DTL: variants seen among roughly 807,000 people sequenced by gnomAD.
DTL encodes the protein denticleless E3 ubiquitin protein ligase adapter.
In DTL, 46 loss-of-function variants were observed where a neutral mutation model predicts 87.0. The observed-to-expected ratio is 0.53, with a 90% CI of 0.42 to 0.68. DTL has a LOEUF of 0.68. Ranked by LOEUF, DTL falls within the 30% of genes least tolerant of loss-of-function variation. The pLI is 0.00. For synonymous variants in DTL, 308 were observed against 311.2 expected, an observed-to-expected ratio of 0.99 and a Z score of 0.11; for missense variants, 737 against 869.4, an observed-to-expected ratio of 0.85 and a Z score of 1.91.
At chr1:212,050,662 G>A (rs1331738396) in intron 5 of DTL, among the ~76,000 whole-genome samples, 4 of 152,120 alleles carry the variant, frequency 2.6e-5, no homozygotes, top group African/African-American at 9.7e-5. Flanking sequence ...ACCATCACAT[G>A]TATCCCCACT....
intron 11 of DTL, 133 bp downstream of exon 11, chr1:212,072,346 C>T (rs918270753): frequency 5.4e-5 from 37 of 685,908 alleles, no homozygotes; most frequent in Non-Finnish European, 9.2e-5. Context: ...GTAAAGGTTG[C>T]TCTTGGCTCT....
At chr1:212,037,170 A>G (rs932486209) in intron 1 of DTL, among the ~76,000 whole-genome samples, 1 of 152,012 alleles carries the variant, frequency 6.6e-6, no homozygotes, top group African/African-American at 2.4e-5. Flanking sequence ...ACCTTACTAT[A>G]TGTGTGTTCT....
chr1:212,058,336 T>C (rs576881205), intron 5 of DTL, among the ~76,000 whole-genome samples: 1 of 152,236 alleles, frequency 6.6e-6, no homozygotes, highest in East Asian at 1.9e-4. Context: ...TTTTTAAAAG[T>C]TGAAATAATA....
At chr1:212,085,323 T>C (rs1655101897) in intron 13 of DTL, among the ~76,000 whole-genome samples, 1 of 152,244 alleles carries the variant, frequency 6.6e-6, no homozygotes, top group Non-Finnish European at 1.5e-5. Flanking sequence ...TGTCCATCTT[T>C]TTCATTATAC....
At position 212,044,694 on chromosome 1, in the gene DTL, T is replaced by C. The variant is rs775300090; in HGVS notation, c.213T>C (p.Asn71=). 9.3e-6 allele frequency: 15 copies of C among 1,613,264 alleles called. No individual in the cohort carries two copies. The East Asian group carries it at 2.7e-4, about 29-fold the overall frequency. The part of the protein sequence containing the change: ...PNMEHVLAVA[N]EEGFVRLYNT... ...TGGAACATGTACTAGCAGTTGCCAA[T>C]GAAGAAGGCTTTGTTCGATTGTATA... Residue 71 remains asparagine, a synonymous_variant, in exon 3 of 15, where the codon AAT becomes AAC. Transcript: ENST00000366991.
intron 14 of DTL, among the ~76,000 whole-genome samples, chr1:212,101,506 A>G (rs1008032396): frequency 1.4e-4 from 21 of 152,208 alleles, no homozygotes; most frequent in African/African-American, 4.6e-4. Context: ...GCTGTTGTTC[A>G]TGGGAAAGTT....
intron 13 of DTL, among the ~76,000 whole-genome samples, chr1:212,088,814 C>T (rs1173725235): frequency 3.3e-5 from 5 of 152,132 alleles, no homozygotes; most frequent in African/African-American, 1.2e-4. Context: ...TGGCTGGGCA[C>T]GGTGGCTCAC....
At chr1:212,089,640 A>G (rs1655227619) in intron 13 of DTL, among the ~76,000 whole-genome samples, 2 of 152,192 alleles carry the variant, frequency 1.3e-5, no homozygotes, top group Non-Finnish European at 2.9e-5. Flanking sequence ...ACATATACAC[A>G]CACTTAAATT....
In DTL at chr1:212,062,940, A is replaced by G. The variant is rs577827877; in HGVS notation, c.517A>G (p.Asn173Asp). The change falls in exon 6 of 15, where the codon AAC (asparagine) becomes GAC (aspartate). Residue 173 changes from asparagine to aspartate, a missense_variant. Transcript: ENST00000366991. ...GNIMVWDTRCNKKDGFYRQVN... is the reference protein window; with the variant it reads ...GNIMVWDTRCDKKDGFYRQVN... ...CATTATGGTCTGGGATACCAGGTGC[A>G]ACAAAAAAGGTTATCTAGATCTATT... is the stretch of plus-strand genomic sequence containing the variant. 1 of 1,612,608 alleles carries G rather than the reference A, an allele frequency of 6.2e-7. No homozygotes were observed. The highest frequency in any genetic ancestry group is 1.1e-5 in the South Asian group (1 of 91,054).
intron 1 of DTL, among the ~76,000 whole-genome samples, chr1:212,041,799 C>G (rs576111144): frequency 6.6e-6 from 1 of 152,116 alleles, no homozygotes; most frequent in Non-Finnish European, 1.5e-5. Flanking sequence ...TGTGAGAGAC[C>G]GCGCCCGGCC....
intron 3 of DTL, among the ~76,000 whole-genome samples, 154 bp downstream of exon 3, chr1:212,044,912 G>T (rs538333740): frequency 6.6e-6 from 1 of 152,170 alleles, no homozygotes; most frequent in Non-Finnish European, 1.5e-5. Flanking sequence ...AAGTTTACTT[G>T]GTGTGTGATT....
chr1:212,064,738 A>G (rs1654440790), intron 6 of DTL, among the ~76,000 whole-genome samples, 179 bp from the exon 7 acceptor site: 1 of 152,184 alleles, frequency 6.6e-6, no homozygotes, highest in African/African-American at 2.4e-5. Flanking sequence ...GCTGTTATAA[A>G]CATCTCTCCC....
chr1:212,071,551 A>C (rs781025117), intron 10 of DTL, among the ~76,000 whole-genome samples: 8 of 152,224 alleles, frequency 5.3e-5, no homozygotes, highest in Non-Finnish European at 8.8e-5. Flanking sequence ...ATAAGCTATT[A>C]GTAAGTTTTA....
chr1:212,054,572 T>A (rs1668103627), intron 5 of DTL, among the ~76,000 whole-genome samples: 1 of 151,834 alleles, frequency 6.6e-6, no homozygotes, highest in South Asian at 2.1e-4. Context: ...GGTGGGCTGA[T>A]CACCTGAGGT....
In DTL at chr1:212,048,316, G is replaced by A. The variant is rs1252795923; in HGVS notation, c.460+899G>A. On this transcript the variant is annotated intron_variant, in intron 5 of 14. Transcript: ENST00000366991. ...GCAATCCTCTCCCTCAGCGTCCCAA[G>A]TACCTGGGAGGGATTACAGGAGCCT... Among the ~76,000 whole-genome samples, 5 of 151,962 alleles carry A rather than the reference G, an allele frequency of 3.3e-5. No homozygotes were observed. In the East Asian group the frequency reaches 9.6e-4, roughly 29 times the overall value.
intron 5 of DTL, among the ~76,000 whole-genome samples, chr1:212,059,064 G>A (rs1177724214): frequency 6.6e-6 from 1 of 152,014 alleles, no homozygotes; most frequent in Non-Finnish European, 1.5e-5. Flanking sequence ...AAAAGTTCAG[G>A]ACCAGATGGC....
chr1:212,088,075 A>T (rs1399414771), intron 13 of DTL, among the ~76,000 whole-genome samples: 2 of 152,168 alleles, frequency 1.3e-5, no homozygotes, highest in African/African-American at 4.8e-5. Flanking sequence ...GGAGCTTTTC[A>T]AGTCCGTGTA....
chr1:212,068,741 G>A (rs529251266), intron 10 of DTL, 38 bp downstream of exon 10: 165 of 1,315,714 alleles, frequency 1.3e-4, no homozygotes, highest in Non-Finnish European at 1.7e-4. Context: ...TACCAGGAAA[G>A]CATTATGGGC....
intron 7 of DTL, 82 bp from the exon 8 acceptor site, chr1:212,066,729 AG>A (rs1274370907): frequency 2.5e-6 from 3 of 1,187,224 alleles, no homozygotes; most frequent in Admixed American, 3.8e-5. Flanking sequence ...TGGGGAGAAA[AG>A]TCGTTTTTTA....
Sources: gnomAD v4.1 joint callset for allele counts (sites outside exome capture counted in the v4.1 genomes callset) on GRCh38, gnomAD v4.1.1 for gene constraint, MANE v1.5 for transcripts, NCBI Gene and HGNC (gene_info 2026-07-23, HGNC 2026-07-21) for gene names.